LINGO2: variants seen among roughly 807,000 people sequenced by gnomAD.
LINGO2 encodes the protein leucine rich repeat and Ig domain containing 2.
In LINGO2, 14 loss-of-function variants were observed where a neutral mutation model predicts 30.6. The ratio of observed to expected loss-of-function variants is 0.46; its 90% CI spans 0.30 to 0.72. LINGO2 has a LOEUF of 0.72. Ranked by LOEUF, LINGO2 falls within the 30% of genes least tolerant of loss-of-function variation. LINGO2 has a pLI of 0.07. For synonymous variants in LINGO2, 317 were observed against 288.5 expected (o/e 1.10, Z -1.00); for missense variants, 729 against 751.7 (o/e 0.97, Z 0.35).
chr9:28,985,814 T>C, the LINGO2 span, among the ~76,000 whole-genome samples: 556 of 152,128 alleles, frequency 3.7e-3, 2 homozygotes, highest in African/African-American at 0.013. Context: ...AATCCCTAAG[T>C]TTTTTATTCA....
the LINGO2 span, among the ~76,000 whole-genome samples, chr9:29,194,216 C>A: frequency 4.9e-3 from 747 of 152,254 alleles, 3 homozygotes; most frequent in Middle Eastern, 0.014. Context: ...TTCAGGGTGG[C>A]TGGGGCATCC....
rs1293927044 is a variant in LINGO2, at chr9:28,669,184, T to C, written c.-365+1016A>G. Among the ~76,000 whole-genome samples the C allele has an allele frequency of 3.3e-5, 5 of 152,146 alleles. No individual in the cohort carries two copies. The East Asian group carries it at 5.8e-4, about 18-fold the overall frequency. On this transcript the variant is annotated intron_variant, in intron 1 of 5. Coordinates refer to ENST00000379992, the Ensembl canonical transcript of LINGO2. ...ATGTGTACGTGTATTTGTGTTTCTATGTATGTATTCACCATTCCTACCTGG... is the reference window on the plus strand; with the variant it reads ...ATGTGTACGTGTATTTGTGTTTCTACGTATGTATTCACCATTCCTACCTGG...
chr9:27,942,944 G>GA, the LINGO2 span: 2 of 152,204 alleles, frequency 1.3e-5, no homozygotes, highest in Non-Finnish European at 2.9e-5. Flanking sequence ...TAACTGGGGA[G>GA]AAAAACAGCA....
At chr9:28,295,674 G>A (rs1334695235) in intron 3 of LINGO2, among the ~76,000 whole-genome samples, 1 of 152,094 alleles carries the variant, frequency 6.6e-6, no homozygotes, top group Admixed American at 6.5e-5. Context: ...CTCTTCTTCA[G>A]GTAGGTGACC....
At chr9:28,283,317 G>C (rs1823392598) in intron 4 of LINGO2, among the ~76,000 whole-genome samples, 1 of 152,146 alleles carries the variant, frequency 6.6e-6, no homozygotes, top group Non-Finnish European at 1.5e-5. Flanking sequence ...AAAACCAGAT[G>C]ATTGTTGACA....
intron 4 of LINGO2, among the ~76,000 whole-genome samples, chr9:28,111,224 C>T (rs4878719): frequency 0.42 from 64,074 of 151,542 alleles, 15,193 homozygotes; most frequent in East Asian, 0.64. Context: ...CATCACACAC[C>T]CGGGCCTATC....
chr9:28,727,953 T>G, the LINGO2 span, among the ~76,000 whole-genome samples: 1 of 152,068 alleles, frequency 6.6e-6, no homozygotes, highest in South Asian at 2.1e-4. Context: ...TTATGCTCAA[T>G]AGGGTACCAT....
the LINGO2 span, among the ~76,000 whole-genome samples, chr9:29,050,967 A>T: frequency 6.6e-6 from 1 of 152,196 alleles, no homozygotes; most frequent in African/African-American, 2.4e-5. Context: ...CCTCAAAAAG[A>T]CAAGTGTTGG....
the LINGO2 span, among the ~76,000 whole-genome samples, chr9:29,186,588 C>A: frequency 6.6e-6 from 1 of 152,156 alleles, no homozygotes; most frequent in African/African-American, 2.4e-5. Context: ...AATAATACTT[C>A]TAAAATGATT....
the LINGO2 span, among the ~76,000 whole-genome samples, chr9:28,896,219 T>A: frequency 6.6e-6 from 1 of 152,162 alleles, no homozygotes; most frequent in Non-Finnish European, 1.5e-5. Flanking sequence ...TGCAGGCAAC[T>A]TTGTTGTGTT....
chr9:28,370,728 C>T lies in LINGO2; in HGVS notation c.-246+2108G>A, dbSNP rs1820861789. On this transcript the variant is annotated intron_variant, in intron 3 of 5. Transcript: ENST00000379992. ...TTTCTATTCCAAATGAAAGACCTTC[C>T]TATCCTCCATACCAACCACCACTGT... Among the ~76,000 whole-genome samples, 3 of 152,202 alleles carry T rather than the reference C, an allele frequency of 2.0e-5. No homozygotes were observed. The South Asian group carries it at 6.2e-4, about 32-fold the overall frequency.
chr9:28,196,789 T>A (rs796804114), intron 4 of LINGO2, among the ~76,000 whole-genome samples: 19 of 152,026 alleles, frequency 1.2e-4, no homozygotes, highest in African/African-American at 4.3e-4. Context: ...TTAAACAAAA[T>A]AAGTCAGGTA....
At chr9:28,568,699 G>T (rs1040318756) in intron 1 of LINGO2, among the ~76,000 whole-genome samples, 1 of 107,876 alleles carries the variant, frequency 9.3e-6, no homozygotes, top group Non-Finnish European at 1.9e-5. Flanking sequence ...TATTGAAAAT[G>T]CTGAAAGAAA....
At chr9:28,889,770 C>T in the LINGO2 span, among the ~76,000 whole-genome samples, 1 of 152,136 alleles carries the variant, frequency 6.6e-6, no homozygotes, top group East Asian at 1.9e-4. Context: ...AGATCTCAGA[C>T]TCTAGCTCTA....
chr9:28,152,640 G>A (rs886555565), intron 4 of LINGO2, among the ~76,000 whole-genome samples: 2 of 152,086 alleles, frequency 1.3e-5, no homozygotes, highest in Admixed American at 6.6e-5. Flanking sequence ...ATAGCTATTT[G>A]CTAAATGTCA....
rs986320612 is a variant in LINGO2, at chr9:28,225,036, A to G, written c.-87+70172T>C. 3.3e-5 allele frequency among the ~76,000 whole-genome samples: 5 copies of G among 152,194 alleles called. No homozygotes were observed. In the East Asian group the frequency reaches 9.6e-4, roughly 29 times the overall value. On this transcript the variant is annotated intron_variant, in intron 4 of 5. Transcript: ENST00000379992. ...TTGAAGAAAGGACAGTCTTCAATAC[A>G]AGGTGCTGGGAAGACTAGATATCCA...
chr9:28,698,447 C>A, the LINGO2 span, among the ~76,000 whole-genome samples: 1 of 151,952 alleles, frequency 6.6e-6, no homozygotes, highest in Non-Finnish European at 1.5e-5. Flanking sequence ...TCAGTAATAT[C>A]TCCAAACGTC....
In LINGO2 at chr9:28,082,797, T is replaced by C. The variant is rs375757115; in HGVS notation, c.-86-70392A>G. Among the ~76,000 whole-genome samples the C allele has an allele frequency of 1.6e-4, 24 of 152,300 alleles. No homozygotes were observed. In the East Asian group the frequency reaches 1.7e-3, roughly 11 times the overall value. ...TCTGCGTTTTTCTGACTCATATGGT[T>C]TCCCCTCTGTCTGGATTGTCCTGCC... On this transcript the variant is annotated intron_variant, in intron 4 of 5. Transcript: ENST00000379992.
At chr9:28,500,968 A>T (rs2135314490) in intron 1 of LINGO2, among the ~76,000 whole-genome samples, 1 of 152,256 alleles carries the variant, frequency 6.6e-6, no homozygotes, top group Non-Finnish European at 1.5e-5. Context: ...GTCTTCAAAA[A>T]CCCTGATCTC....
Sources: allele counts gnomAD v4.1 joint callset (sites outside exome capture counted in the v4.1 genomes callset), GRCh38; gene constraint gnomAD v4.1.1; transcripts MANE v1.5; gene names NCBI Gene and HGNC (gene_info 2026-07-23, HGNC 2026-07-21).